Variants in SMOC2 observed in about 807,000 individuals in gnomAD.
SMOC2 encodes the protein SPARC related modular calcium binding 2, also known as SPARC-related modular calcium-binding protein 2.
A neutral mutation model predicts 61.4 loss-of-function variants in SMOC2; 39 were observed. The observed-to-expected ratio is 0.64, with a 90% CI of 0.49 to 0.83. SMOC2 has a LOEUF of 0.83. Ranked by LOEUF, SMOC2 falls within the 40% of genes least tolerant of loss-of-function variation. SMOC2 has a pLI of 0.00. For missense variants in SMOC2, 556 were observed against 592.9 expected (o/e 0.94, Z 0.65); for synonymous variants, 247 against 239.9 (o/e 1.03, Z -0.27).
At chr6:168,536,931 AG>A in intron 4 of SMOC2, among the ~76,000 whole-genome samples, 1 of 152,248 alleles carries the variant, frequency 6.6e-6, no homozygotes, top group Non-Finnish European at 1.5e-5. Flanking sequence ...TCTGAAGCCT[AG>A]GGTATACACC....
At chr6:168,518,215 C>A (rs1359518734) in intron 2 of SMOC2, among the ~76,000 whole-genome samples, 1 of 152,236 alleles carries the variant, frequency 6.6e-6, no homozygotes, top group African/African-American at 2.4e-5. Flanking sequence ...TCCTATCGGG[C>A]AGCATCGACC....
chr6:168,501,107 G>C lies in SMOC2; in HGVS notation c.85-8808G>C, dbSNP rs150299093. On this transcript the variant is annotated intron_variant, in intron 1 of 12. Coordinates refer to ENST00000356284, the MANE Select transcript of SMOC2 (RefSeq NM_001166412.2). ...CGGATGCTAAGGATAATCTTTCGTT[G>C]TCATTGCCAGAGATAATTATTGCAT... Among the ~76,000 whole-genome samples, 4 of 152,228 alleles carry C rather than the reference G, an allele frequency of 2.6e-5. No individual in the cohort carries two copies. The East Asian group carries it at 7.7e-4, about 29-fold the overall frequency.
At chr6:168,456,867 G>A (rs1459791368) in intron 1 of SMOC2, among the ~76,000 whole-genome samples, 1 of 152,170 alleles carries the variant, frequency 6.6e-6, no homozygotes, top group East Asian at 1.9e-4. Flanking sequence ...GGCAACGGGT[G>A]GGTCGTCATG....
chr6:168,638,001 C>T (rs1222218412), intron 9 of SMOC2, among the ~76,000 whole-genome samples: 2 of 150,892 alleles, frequency 1.3e-5, no homozygotes, highest in South Asian at 2.1e-4. Flanking sequence ...CCTGCAGCGC[C>T]CAGGGAAGGA....
At chr6:168,583,230 C>T (rs1002756367) in intron 7 of SMOC2, among the ~76,000 whole-genome samples, 2 of 152,216 alleles carry the variant, frequency 1.3e-5, no homozygotes, top group African/African-American at 4.8e-5. Flanking sequence ...CCAGTGTGGA[C>T]TGAGGAGCCC....
At chr6:168,569,899 T>C (rs2115139248) in intron 7 of SMOC2, among the ~76,000 whole-genome samples, 1 of 152,344 alleles carries the variant, frequency 6.6e-6, no homozygotes, top group East Asian at 1.9e-4. Flanking sequence ...CATTGTGCCT[T>C]TGAGGTTGTC....
chr6:168,551,877 G>A (rs1451758334), intron 7 of SMOC2, among the ~76,000 whole-genome samples: 1 of 152,214 alleles, frequency 6.6e-6, no homozygotes, highest in African/African-American at 2.4e-5. Flanking sequence ...GCCACTTGCA[G>A]ATTTCCAAGA....
At chr6:168,527,863 T>C (rs1783492559) in intron 4 of SMOC2, 136 bp downstream of exon 4, 10 of 664,934 alleles carry the variant, frequency 1.5e-5, no homozygotes, top group Middle Eastern at 2.6e-4. Flanking sequence ...ACAGTGGGAA[T>C]AGATCTCGTC....
rs145722284 is a variant in SMOC2, at chr6:168,518,707, TGA to T, written c.257-7637_257-7636del. Among the ~76,000 whole-genome samples, 313 of 149,660 alleles carry T rather than the reference TGA, an allele frequency of 2.1e-3. 1 individual carries two copies. The highest frequency in any genetic ancestry group is 3.4e-3 in the Middle Eastern group (1 of 290). On this transcript the variant is annotated intron_variant, in intron 2 of 12. Coordinates refer to ENST00000356284, the MANE Select transcript of SMOC2 (RefSeq NM_001166412.2). Reference sequence around the variant, plus strand: ...GTGAATGTGTATGAGCGTGCATGTGTGAGTGTTATGCTTATGTGAGTGTGCAT... The same window carrying T: ...GTGAATGTGTATGAGCGTGCATGTGTGTGTTATGCTTATGTGAGTGTGCAT...
At chr6:168,547,577 T>C (rs1784036581) in intron 6 of SMOC2, among the ~76,000 whole-genome samples, 1 of 152,028 alleles carries the variant, frequency 6.6e-6, no homozygotes, top group African/African-American at 2.4e-5. Context: ...ATGAGGAATA[T>C]ACTTAATGAT....
At chr6:168,602,125 G>A (rs1050893692) in intron 8 of SMOC2, among the ~76,000 whole-genome samples, 2 of 152,110 alleles carry the variant, frequency 1.3e-5, no homozygotes, top group African/African-American at 4.8e-5. Context: ...AGAGAGGAGA[G>A]GCCCCACCTC....
intron 2 of SMOC2, among the ~76,000 whole-genome samples, chr6:168,513,816 T>TA (rs1193912979): frequency 6.6e-6 from 1 of 152,222 alleles, no homozygotes; most frequent in Non-Finnish European, 1.5e-5. Flanking sequence ...AGGGACTGTG[T>TA]AAGAATCTTT....
At chr6:168,456,314 G>A (rs1159873945) in intron 1 of SMOC2, among the ~76,000 whole-genome samples, 2 of 152,266 alleles carry the variant, frequency 1.3e-5, no homozygotes, top group African/African-American at 2.4e-5. Context: ...GCAAGACTGA[G>A]GCAGGGTGGG....
intron 1 of SMOC2, among the ~76,000 whole-genome samples, chr6:168,454,506 C>T (rs979795259): frequency 6.6e-5 from 10 of 152,280 alleles, no homozygotes; most frequent in Non-Finnish European, 1.2e-4. Context: ...CAACTCATCT[C>T]CCCATCCTGG....
intron 2 of SMOC2, among the ~76,000 whole-genome samples, chr6:168,519,038 T>TATGC (rs1452434459): frequency 1.1e-4 from 16 of 147,480 alleles, no homozygotes; most frequent in Non-Finnish European, 2.3e-4. Context: ...TGTGTGTATG[T>TATGC]GTGCATGTGT....
At chr6:168,615,227 C>T (rs1171225806) in intron 9 of SMOC2, among the ~76,000 whole-genome samples, 1 of 93,680 alleles carries the variant, frequency 1.1e-5, no homozygotes, top group Non-Finnish European at 2.2e-5. Context: ...ACAGCCAGCA[C>T]GGGGCCTCTT....
chr6:168,613,418 G>T (rs1209677984), intron 9 of SMOC2, among the ~76,000 whole-genome samples: 1 of 152,132 alleles, frequency 6.6e-6, no homozygotes, highest in Non-Finnish European at 1.5e-5. Flanking sequence ...CTCTGTTACT[G>T]CCCTGTACCC....
intron 7 of SMOC2, among the ~76,000 whole-genome samples, chr6:168,554,254 C>T (rs1583104509): frequency 6.6e-6 from 1 of 152,344 alleles, no homozygotes; most frequent in Non-Finnish European, 1.5e-5. Flanking sequence ...AGATAAGCCC[C>T]ATCATGTGAT....
chr6:168,495,274 C>T (rs1782559061), intron 1 of SMOC2, among the ~76,000 whole-genome samples: 1 of 152,062 alleles, frequency 6.6e-6, no homozygotes. Context: ...TCTGCGGGTC[C>T]ACCCCCCTCT....
Sources: allele counts gnomAD v4.1 joint callset (sites outside exome capture counted in the v4.1 genomes callset), GRCh38; gene constraint gnomAD v4.1.1; transcripts MANE v1.5; gene names NCBI Gene and HGNC (gene_info 2026-07-23, HGNC 2026-07-21).